Variants in TIAM2 observed in about 807,000 individuals in gnomAD.
The protein encoded by TIAM2 is rho guanine nucleotide exchange factor TIAM2.
A neutral mutation model predicts 152.9 loss-of-function variants in TIAM2; 80 were observed. The ratio of observed to expected loss-of-function variants is 0.52; its 90% CI spans 0.44 to 0.63. The LOEUF is 0.63. Ranked by LOEUF, TIAM2 falls within the 30% of genes least tolerant of loss-of-function variation. The probability of loss-of-function intolerance (pLI) is 0.00; values close to 1 mark genes in which losing one functional copy is unlikely to be tolerated. For synonymous variants in TIAM2, 804 were observed against 838.0 expected (o/e 0.96, Z 0.70); for missense variants, 1,965 against 2,120.1 (o/e 0.93, Z 1.44).
intron 2 of TIAM2, among the ~76,000 whole-genome samples, chr6:155,095,105 C>T (rs1017058108): frequency 6.6e-6 from 1 of 152,106 alleles, no homozygotes; most frequent in African/African-American, 2.4e-5. Flanking sequence ...AATTTGCACA[C>T]GTCTGTGATC....
At chr6:155,237,282 G>GATT (rs1562366095) in intron 15 of TIAM2, among the ~76,000 whole-genome samples, 2 of 152,242 alleles carry the variant, frequency 1.3e-5, no homozygotes, top group Non-Finnish European at 2.9e-5. Context: ...TCACACTGAT[G>GATT]CAAGAGGTGG....
At chr6:155,136,021 C>T (rs866277550) in intron 4 of TIAM2, among the ~76,000 whole-genome samples, 10 of 151,312 alleles carry the variant, frequency 6.6e-5, no homozygotes, top group South Asian at 6.3e-4. Context: ...ATGAAGAAAC[C>T]GTGTCTCTAC....
intron 2 of TIAM2, among the ~76,000 whole-genome samples, chr6:155,101,806 G>A (rs1157377662): frequency 6.6e-6 from 1 of 151,726 alleles, no homozygotes; most frequent in Admixed American, 6.6e-5. Context: ...TGCCTCTCGG[G>A]TTCTCCTGCC....
At chr6:155,120,225 G>A (rs571105137) in intron 2 of TIAM2, among the ~76,000 whole-genome samples, 59 of 152,342 alleles carry the variant, frequency 3.9e-4, no homozygotes, top group African/African-American at 1.3e-3. Context: ...ATTCCTTGCC[G>A]CAGATGGGTC....
At chr6:155,075,345 G>T (rs896061747) in intron 1 of TIAM2, among the ~76,000 whole-genome samples, 1 of 149,526 alleles carries the variant, frequency 6.7e-6, no homozygotes, top group African/African-American at 2.5e-5. Flanking sequence ...CGTTACTTGG[G>T]AATGAAAAAA....
At chr6:155,030,972 G>A (rs73001079) in intron 1 of TIAM2, among the ~76,000 whole-genome samples, 5,937 of 152,264 alleles carry the variant, frequency 0.039, 167 homozygotes, top group Non-Finnish European at 0.061. Context: ...TTGAGAATGC[G>A]TTCATAGTTT....
chr6:155,109,084 C>T (rs1778768322), intron 2 of TIAM2, among the ~76,000 whole-genome samples: 1 of 152,106 alleles, frequency 6.6e-6, no homozygotes, highest in Non-Finnish European at 1.5e-5. Flanking sequence ...CCTGGGTTCA[C>T]ACCATTCTCC....
At chr6:155,155,073 G>A (rs1780072884) in intron 7 of TIAM2, among the ~76,000 whole-genome samples, 1 of 151,546 alleles carries the variant, frequency 6.6e-6, no homozygotes, top group African/African-American at 2.4e-5. Flanking sequence ...TGTGGAGGTG[G>A]TGGGTGAAGA....
intron 19 of TIAM2, 52 bp downstream of exon 19, chr6:155,245,783 G>A (rs764011889): frequency 4.4e-5 from 42 of 963,770 alleles, no homozygotes; most frequent in Admixed American, 2.1e-4. Flanking sequence ...ATTTTTAACT[G>A]TTAGTAAAGG....
At chr6:155,215,312 C>T (rs1781826928) in intron 15 of TIAM2, among the ~76,000 whole-genome samples, 1 of 152,120 alleles carries the variant, frequency 6.6e-6, no homozygotes, top group South Asian at 2.1e-4. Flanking sequence ...GAGAAAGCTG[C>T]AATCAGGTTG....
At chr6:155,233,436 C>T (rs150374361) in intron 15 of TIAM2, among the ~76,000 whole-genome samples, 79 of 152,210 alleles carry the variant, frequency 5.2e-4, no homozygotes, top group African/African-American at 1.8e-3. Context: ...CTTCAAAGAC[C>T]GTCAAAGAGG....
At chr6:155,043,059 G>A (rs1777083560) in intron 1 of TIAM2, among the ~76,000 whole-genome samples, 1 of 152,106 alleles carries the variant, frequency 6.6e-6, no homozygotes, top group African/African-American at 2.4e-5. Flanking sequence ...GACGCTGGGG[G>A]GATGCATTAT....
chr6:154,995,925 G>A lies in TIAM2; in HGVS notation c.-209+433G>A, dbSNP rs1236381690. On this transcript the variant is annotated intron_variant, in intron 1 of 26. Coordinates refer to ENST00000682666, the MANE Select transcript of TIAM2 (RefSeq NM_012454.4). This position sits in a 1 kb window ranked among gnomAD's most constrained non-coding sequence, Gnocchi z 5.2. ...GGGAGCGCCCGCTGCGCCCACGCCC[G>A]CCCGGCGACCTCGGAGCCTCAGAAA... Among the ~76,000 whole-genome samples the A allele has an allele frequency of 6.6e-6, 1 of 152,194 alleles. No homozygotes were observed. Among genetic ancestry groups the A allele is most frequent in the African/African-American group, 2.4e-5 (1 of 41,470 alleles).
At chr6:155,166,821 A>T (rs1583225232) in intron 9 of TIAM2, among the ~76,000 whole-genome samples, 2 of 152,242 alleles carry the variant, frequency 1.3e-5, no homozygotes, top group African/African-American at 2.4e-5. Context: ...AAGCTGTTGA[A>T]AAAATAAGTT....
intron 2 of TIAM2, among the ~76,000 whole-genome samples, chr6:155,091,434 T>A (rs1427914161): frequency 6.6e-6 from 1 of 152,196 alleles, no homozygotes; most frequent in East Asian, 1.9e-4. Context: ...AGTTGAACGG[T>A]TAAATGAGGC....
intron 14 of TIAM2, among the ~76,000 whole-genome samples, chr6:155,198,714 C>T (rs900253971): frequency 2.1e-5 from 3 of 142,266 alleles, no homozygotes; most frequent in Non-Finnish European, 4.5e-5. Flanking sequence ...GTTAAGGCAA[C>T]GTTCTTAAGA....
chr6:155,010,906 T>C (rs1244990967), intron 1 of TIAM2, among the ~76,000 whole-genome samples: 1 of 151,974 alleles, frequency 6.6e-6, no homozygotes, highest in East Asian at 1.9e-4. Context: ...TAGCCAAATG[T>C]GGTGTCATGC....
At chr6:155,142,596 C>T (rs1779734928) in intron 5 of TIAM2, among the ~76,000 whole-genome samples, 1 of 152,228 alleles carries the variant, frequency 6.6e-6, no homozygotes, top group African/African-American at 2.4e-5. Context: ...GCAACAGTAG[C>T]ATCAGATGGG....
chr6:155,100,565 G>A (rs1583189666), intron 2 of TIAM2, among the ~76,000 whole-genome samples: 2 of 152,058 alleles, frequency 1.3e-5, no homozygotes, highest in African/African-American at 2.4e-5. Flanking sequence ...TCATTAATTC[G>A]TTCATTCATG....
Sources: allele counts gnomAD v4.1 joint callset (sites outside exome capture counted in the v4.1 genomes callset), GRCh38; gene constraint gnomAD v4.1.1; non-coding constraint Gnocchi (gnomAD v3.1); transcripts MANE v1.5; gene names NCBI Gene and HGNC (gene_info 2026-07-23, HGNC 2026-07-21).